The following CLCN5 variants were observed in gnomAD, a reference collection of about 807,000 sequenced individuals.
The protein encoded by CLCN5 is H(+)/Cl(-) exchange transporter 5.
A neutral mutation model predicts 54.0 loss-of-function variants in CLCN5; 17 were observed. The ratio of observed to expected loss-of-function variants is 0.31; its 90% CI spans 0.22 to 0.47. The LOEUF is 0.47. Among genes scored for constraint, CLCN5 ranks in the 20% least tolerant of loss-of-function variants. CLCN5 has a pLI of 1.00. For synonymous variants in CLCN5, 222 were observed against 233.0 expected (o/e 0.95, Z 0.43); for missense variants, 448 against 646.7 (o/e 0.69, Z 3.33).
At chrX:49,935,204 G>A (rs1384600643) in intron 3 of CLCN5, among the ~76,000 whole-genome samples, 1 of 111,741 alleles carries the variant, frequency 8.9e-6, no homozygotes, top group Non-Finnish European at 1.9e-5. Flanking sequence ...TGCATTTCTT[G>A]CTCCCCCTTA....
chrX:50,072,515 A>G lies in CLCN5; in HGVS notation c.342A>G (p.Thr114=), dbSNP rs782744969. Residue 114 remains threonine, a synonymous_variant, in exon 6 of 15, where the codon ACA becomes ACG. Coordinates refer to ENST00000376091, the MANE Select transcript of CLCN5 (RefSeq NM_001127898.4). ...REITNKSKES[T]WALIHSVSDA... ...TTACCAATAAAAGCAAAGAGTCAAC[A>G]TGGGCCTTAATTCACAGTGTGAGTG... 22 of 1,206,320 alleles carry G rather than the reference A, an allele frequency of 1.8e-5. No individual in the cohort carries two copies. Among genetic ancestry groups the G allele is most frequent in the East Asian group, 3.0e-5 (1 of 33,745 alleles).
chrX:50,028,783 C>G (rs1931543932), intron 3 of CLCN5, among the ~76,000 whole-genome samples: 1 of 112,026 alleles, frequency 8.9e-6, no homozygotes, highest in African/African-American at 3.2e-5. Flanking sequence ...TAGCCTTTAT[C>G]AGTGATGATG....
At chrX:50,034,094 C>G (rs782379588) in intron 3 of CLCN5, among the ~76,000 whole-genome samples, 11 of 112,297 alleles carry the variant, frequency 9.8e-5, no homozygotes, top group Non-Finnish European at 1.9e-4. Flanking sequence ...TAAGCACGTT[C>G]TATGGCACTC....
At chrX:50,080,302 A>C (rs929571611) in intron 7 of CLCN5, among the ~76,000 whole-genome samples, 7 of 111,550 alleles carry the variant, frequency 6.3e-5, no homozygotes, top group Non-Finnish European at 1.3e-4. Context: ...CAAAGCACTC[A>C]TATAGAAAGA....
chrX:49,955,433 A>AC (rs1284173739), intron 3 of CLCN5, among the ~76,000 whole-genome samples: 5 of 106,832 alleles, frequency 4.7e-5, no homozygotes, highest in African/African-American at 1.7e-4. Flanking sequence ...CTGTTTAGTC[A>AC]CCCCCCAGCC....
intron 3 of CLCN5, chrX:50,003,085 A>G: frequency 3.0e-6 from 1 of 338,979 alleles, no homozygotes; most frequent in Admixed American, 2.7e-5. Flanking sequence ...TCTGGGGCAC[A>G]GTCATAGAAG....
intron 3 of CLCN5, among the ~76,000 whole-genome samples, chrX:49,943,840 G>A (rs1926530278): frequency 9.0e-6 from 1 of 111,487 alleles, no homozygotes; most frequent in African/African-American, 3.3e-5. Flanking sequence ...GTAGCGTGAT[G>A]TCTCCAGCTT....
intron 4 of CLCN5, among the ~76,000 whole-genome samples, chrX:50,043,851 C>T (rs1281603421): frequency 8.9e-6 from 1 of 111,865 alleles, no homozygotes; most frequent in Non-Finnish European, 1.9e-5. Flanking sequence ...TTTAAGATTA[C>T]ATTTGTATAA....
Position 50,042,062 on chromosome X carries a change from G to A in CLCN5, c.17-254G>A, listed in dbSNP as rs187247829. Among the ~76,000 whole-genome samples the A allele has an allele frequency of 3.6e-5, 4 of 112,077 alleles. No homozygotes were observed. In the Admixed American group the frequency reaches 3.8e-4, roughly 11 times the overall value. On this transcript the variant is annotated intron_variant, in intron 3 of 14. Transcript: ENST00000376091. The stretch of plus-strand genomic sequence containing the variant: ...CATTTATATGAAATATCCAGAATCA[G>A]CAAATCTATAGAGACAAAAAGTATA...
chrX:50,036,656 A>G (rs910026978), intron 3 of CLCN5, among the ~76,000 whole-genome samples: 1 of 112,023 alleles, frequency 8.9e-6, no homozygotes, highest in Non-Finnish European at 1.9e-5. Flanking sequence ...GACTCCCTGT[A>G]CCTTTACTTC....
At chrX:50,059,845 G>A (rs1227630137) in intron 4 of CLCN5, among the ~76,000 whole-genome samples, 5 of 108,230 alleles carry the variant, frequency 4.6e-5, no homozygotes, top group East Asian at 2.9e-4. Context: ...AGTCAATAAC[G>A]TGGCACCAGC....
intron 3 of CLCN5, among the ~76,000 whole-genome samples, chrX:50,013,599 A>C (rs1255420764): frequency 8.9e-6 from 1 of 112,053 alleles, no homozygotes; most frequent in Non-Finnish European, 1.9e-5. Context: ...TAAGTGTAGA[A>C]ACATTTCTGT....
chrX:49,940,361 T>C (rs1468511859), intron 3 of CLCN5, among the ~76,000 whole-genome samples: 1 of 112,314 alleles, frequency 8.9e-6, no homozygotes, highest in East Asian at 2.8e-4. Context: ...CCTGGTACTT[T>C]GCTGACTGAA....
chrX:50,007,397 TTCTCTCTC>T (rs781888075), intron 3 of CLCN5, among the ~76,000 whole-genome samples: 1,045 of 64,315 alleles, frequency 0.016, 12 homozygotes, highest in Middle Eastern at 0.086. Context: ...CTCTCTCTCT[TTCTCTCTC>T]TCTCTCTCTC....
At chrX:49,952,446 G>A (rs1927081298) in intron 3 of CLCN5, among the ~76,000 whole-genome samples, 1 of 109,926 alleles carries the variant, frequency 9.1e-6, no homozygotes, top group African/African-American at 3.3e-5. Context: ...CCTTAAGTAG[G>A]AAGGACTCTC....
chrX:50,002,498 G>A (rs782288995), intron 3 of CLCN5, among the ~76,000 whole-genome samples: 34 of 111,712 alleles, frequency 3.0e-4, no homozygotes, highest in African/African-American at 1.1e-3. Context: ...AAATCTTGTT[G>A]GCTCTACTTT....
chrX:50,080,784 T>C, intron 8 of CLCN5, 68 bp downstream of exon 8: 1 of 909,774 alleles, frequency 1.1e-6, no homozygotes. Flanking sequence ...TCTCTTAATA[T>C]GTATTCCAGC....
intron 3 of CLCN5, among the ~76,000 whole-genome samples, chrX:49,989,229 C>G (rs1256487006): frequency 2.7e-5 from 3 of 110,613 alleles, no homozygotes; most frequent in Non-Finnish European, 3.8e-5. Flanking sequence ...TGCACCACCA[C>G]ATGTGGCTAA....
At position 50,048,289 on chromosome X, in the gene CLCN5, G is replaced by A. The variant is rs185415852; in HGVS notation, c.163+5827G>A. ...GGAGCTCAGGCTGTAATGCTTGCTCGCCCTCTGCTCACCTCCTGCTACGCG... is the reference window on the plus strand; with the variant it reads ...GGAGCTCAGGCTGTAATGCTTGCTCACCCTCTGCTCACCTCCTGCTACGCG... On this transcript the variant is annotated intron_variant, in intron 4 of 14. Coordinates refer to ENST00000376091, the MANE Select transcript of CLCN5 (RefSeq NM_001127898.4). 3.6e-4 allele frequency among the ~76,000 whole-genome samples: 40 copies of A among 112,628 alleles called. No individual in the cohort carries two copies. In the South Asian group the frequency reaches 9.5e-3, roughly 27 times the overall value.
Sources: allele counts gnomAD v4.1 joint callset (sites outside exome capture counted in the v4.1 genomes callset), GRCh38; gene constraint gnomAD v4.1.1; transcripts MANE v1.5; gene names NCBI Gene and HGNC (gene_info 2026-07-23, HGNC 2026-07-21).